Variants in HCN1 observed in about 807,000 individuals in gnomAD.
HCN1 encodes hyperpolarization activated cyclic nucleotide gated potassium channel 1.
A neutral mutation model predicts 78.9 loss-of-function variants in HCN1; 13 were observed. The observed-to-expected ratio is 0.16, with a 90% CI of 0.11 to 0.26. The LOEUF (loss-of-function observed/expected upper bound fraction) is 0.26, where lower values mean the gene tolerates loss of function less well. HCN1 is among the 10% of genes least tolerant of loss of function. HCN1 has a pLI of 1.00. For synonymous variants in HCN1, 552 were observed against 455.5 expected, an observed-to-expected ratio of 1.21 and a Z score of -2.70; for missense variants, 810 against 1,154.3, an observed-to-expected ratio of 0.70 and a Z score of 4.32.
chr5:45,599,040 T>G (rs2111960297), intron 2 of HCN1, among the ~76,000 whole-genome samples: 1 of 152,300 alleles, frequency 6.6e-6, no homozygotes, highest in East Asian at 1.9e-4. Context: ...GAAATACCAT[T>G]TGACCCGGTG....
At chr5:45,502,664 A>C (rs1196161835) in intron 2 of HCN1, among the ~76,000 whole-genome samples, 5 of 152,208 alleles carry the variant, frequency 3.3e-5, no homozygotes, top group Non-Finnish European at 7.3e-5. Context: ...CTACCTAATA[A>C]AAATATTTGT....
At chr5:45,571,836 C>T (rs1743843162) in intron 2 of HCN1, among the ~76,000 whole-genome samples, 1 of 152,084 alleles carries the variant, frequency 6.6e-6, no homozygotes, top group Non-Finnish European at 1.5e-5. Context: ...ATTGCCTGAA[C>T]CTGGGAGGCA....
intron 2 of HCN1, among the ~76,000 whole-genome samples, chr5:45,595,313 C>T (rs1159476934): frequency 6.6e-6 from 1 of 152,096 alleles, no homozygotes; most frequent in Non-Finnish European, 1.5e-5. Flanking sequence ...AAAATATATG[C>T]AAATTAAGAA....
At chr5:45,446,596 A>G (rs1445216847) in intron 3 of HCN1, among the ~76,000 whole-genome samples, 2 of 152,194 alleles carry the variant, frequency 1.3e-5, no homozygotes, top group Non-Finnish European at 2.9e-5. Flanking sequence ...CAGATTCACC[A>G]AAGTTGAAAT....
At chr5:45,657,414 C>A (rs928874102) in intron 1 of HCN1, among the ~76,000 whole-genome samples, 2 of 152,154 alleles carry the variant, frequency 1.3e-5, no homozygotes, top group Admixed American at 1.3e-4. Context: ...ACAGAAAATA[C>A]ACATATGGAT....
At chr5:45,591,875 T>A (rs185371107) in intron 2 of HCN1, among the ~76,000 whole-genome samples, 1 of 152,334 alleles carries the variant, frequency 6.6e-6, no homozygotes, top group Non-Finnish European at 1.5e-5. Flanking sequence ...TCCAAGATTA[T>A]CTAGGTTTTC....
At chr5:45,594,441 G>T (rs1350803195) in intron 2 of HCN1, among the ~76,000 whole-genome samples, 1 of 152,072 alleles carries the variant, frequency 6.6e-6, no homozygotes, top group African/African-American at 2.4e-5. Context: ...AGCAGTCCTT[G>T]CTCAAAATGT....
At chr5:45,468,452 G>C (rs1204443359) in intron 2 of HCN1, among the ~76,000 whole-genome samples, 1 of 151,854 alleles carries the variant, frequency 6.6e-6, no homozygotes, top group Admixed American at 6.6e-5. Flanking sequence ...AGACATTTCA[G>C]TTATTTTTTA....
chr5:45,647,001 T>G (rs1470859026), intron 1 of HCN1, among the ~76,000 whole-genome samples: 1 of 152,180 alleles, frequency 6.6e-6, no homozygotes, highest in African/African-American at 2.4e-5. Context: ...TATACATGTG[T>G]ATAAAGCTTT....
In HCN1 at chr5:45,673,014, T is replaced by C. The variant is rs182735892; in HGVS notation, c.425+22655A>G. 2.6e-5 allele frequency among the ~76,000 whole-genome samples: 4 copies of C among 151,704 alleles called. No homozygotes were observed. In the East Asian group the frequency reaches 7.8e-4, roughly 29 times the overall value. ...TACTTTTGATCTAATGTCCATTCTC[T>C]GTTCCAGCATGCTGTCCAGGGTACC... On this transcript the variant is annotated intron_variant, in intron 1 of 7. Coordinates refer to ENST00000303230, the MANE Select transcript of HCN1 (RefSeq NM_021072.4).
chr5:45,319,656 A>T (rs991302272), intron 5 of HCN1, among the ~76,000 whole-genome samples: 1 of 150,726 alleles, frequency 6.6e-6, no homozygotes, highest in Non-Finnish European at 1.5e-5. Flanking sequence ...TCTAAGTAGT[A>T]TCTTTTATTG....
intron 7 of HCN1, among the ~76,000 whole-genome samples, chr5:45,265,114 TG>T (rs1323797835): frequency 1.3e-5 from 2 of 151,398 alleles, no homozygotes; most frequent in South Asian, 4.2e-4. Context: ...TGCTTGAACC[TG>T]GGAGGCGGAG....
intron 2 of HCN1, among the ~76,000 whole-genome samples, chr5:45,525,637 T>C (rs1047086635): frequency 2.0e-5 from 3 of 151,942 alleles, no homozygotes; most frequent in Non-Finnish European, 2.9e-5. Context: ...TAAGTTCAAG[T>C]AAACATTATT....
chr5:45,654,144 T>C (rs546890938), intron 1 of HCN1, among the ~76,000 whole-genome samples: 86 of 152,198 alleles, frequency 5.7e-4, no homozygotes, highest in African/African-American at 1.7e-3. Context: ...AAGTTTCACT[T>C]TGCAGAATCC....
At chr5:45,488,643 C>T (rs1410230691) in intron 2 of HCN1, among the ~76,000 whole-genome samples, 1 of 152,038 alleles carries the variant, frequency 6.6e-6, no homozygotes, top group East Asian at 1.9e-4. Flanking sequence ...GGCTATAGTA[C>T]TTGGAAAAGT....
chr5:45,490,130 C>G (rs550207523), intron 2 of HCN1, among the ~76,000 whole-genome samples: 1 of 152,204 alleles, frequency 6.6e-6, no homozygotes. Context: ...ACACAGGGAA[C>G]AACATGTGCA....
At chr5:45,406,552 A>T (rs1739928227) in intron 3 of HCN1, among the ~76,000 whole-genome samples, 1 of 152,208 alleles carries the variant, frequency 6.6e-6, no homozygotes, top group African/African-American at 2.4e-5. Context: ...TCAATCACAG[A>T]TCTGTCTGAA....
intron 1 of HCN1, among the ~76,000 whole-genome samples, chr5:45,656,958 G>C (rs934916521): frequency 6.6e-6 from 1 of 151,852 alleles, no homozygotes; most frequent in Admixed American, 6.6e-5. Flanking sequence ...TATGTTTAAA[G>C]ATGTTATTTG....
At chr5:45,497,617 C>T (rs1473339146) in intron 2 of HCN1, among the ~76,000 whole-genome samples, 1 of 152,110 alleles carries the variant, frequency 6.6e-6, no homozygotes, top group East Asian at 1.9e-4. Flanking sequence ...AGATGGGTTT[C>T]CTGAATACAG....
Sources: gnomAD v4.1 joint callset for allele counts (sites outside exome capture counted in the v4.1 genomes callset) on GRCh38, gnomAD v4.1.1 for gene constraint, MANE v1.5 for transcripts, NCBI Gene and HGNC (gene_info 2026-07-23, HGNC 2026-07-21) for gene names.